Variants in TCL1A observed in about 807,000 individuals in gnomAD.
TCL1A encodes T-cell leukemia/lymphoma protein 1A.
A neutral mutation model predicts 16.9 loss-of-function variants in TCL1A; 9 were observed. The observed-to-expected ratio is 0.53, with a 90% CI of 0.32 to 0.93. TCL1A has a LOEUF of 0.93. Among genes scored for constraint, TCL1A ranks in the 40% least tolerant of loss-of-function variants. TCL1A has a pLI of 0.04. For synonymous variants in TCL1A, 69 were observed against 63.2 expected (o/e 1.09, Z -0.44); for missense variants, 139 against 153.0 (o/e 0.91, Z 0.48).
intron 1 of TCL1A, 40 bp from the exon 2 acceptor site, chr14:95,712,436 G>A (rs750215320): frequency 2.7e-5 from 42 of 1,553,100 alleles, no homozygotes; most frequent in Admixed American, 3.7e-5. Flanking sequence ...TTCAGGTTCC[G>A]CTTGCCAGGG....
At chr14:95,712,167 G>C (rs1886372897) in intron 2 of TCL1A, 53 bp downstream of exon 2, 7 of 1,605,788 alleles carry the variant, frequency 4.4e-6, no homozygotes, top group Non-Finnish European at 6.0e-6. Flanking sequence ...GCCAGACATG[G>C]AGGAGGGCAA....
intron 2 of TCL1A, 78 bp downstream of exon 2, chr14:95,712,142 A>G: frequency 2.0e-6 from 3 of 1,533,764 alleles, no homozygotes; most frequent in Non-Finnish European, 2.7e-6. Context: ...GATGGAGGGA[A>G]GATAAACCAC....
chr14:95,713,510 T>G (rs1886439950), intron 1 of TCL1A, among the ~76,000 whole-genome samples: 1 of 152,330 alleles, frequency 6.6e-6, no homozygotes, highest in Non-Finnish European at 1.5e-5. Context: ...GGAAAATACT[T>G]CACACTCTAG....
rs1464141699 is a variant in TCL1A at position 95,714,111 on chromosome 14, G to C, written c.-45C>G. 2.5e-6 allele frequency: 4 copies of C among 1,606,698 alleles called. No homozygotes were observed. The highest frequency in any genetic ancestry group is 1.1e-5 in the South Asian group (1 of 90,830). Reference sequence around the variant, plus strand: ...AGAAGCAAGAGCCAGAGCCTCTCAAGGCCGCTCGCTGGTCCCTGGGATGTG... The same window carrying C: ...AGAAGCAAGAGCCAGAGCCTCTCAACGCCGCTCGCTGGTCCCTGGGATGTG... On this transcript the variant is annotated 5_prime_UTR_variant, in exon 1 of 4. Coordinates refer to ENST00000402399, the MANE Select transcript of TCL1A (RefSeq NM_021966.3).
Position 95,710,890 on chromosome 14 carries a change from G to A in TCL1A, c.*7-9C>T. On this transcript the variant is annotated splice_polypyrimidine_tract_variant and intron_variant, in intron 3 of 3. Transcript: ENST00000402399. ...ACAGGTGCTGCCAAGACCTGGAGAA[G>A]GACAAAAGAAGACAGAATCAAGGGT... 1 of 153,214 alleles carries A rather than the reference G, an allele frequency of 6.5e-6. No homozygotes were observed. Among genetic ancestry groups the A allele is most frequent in the Non-Finnish European group, 1.5e-5 (1 of 68,690 alleles). 9.5% of individuals were successfully genotyped at this position (153,214 alleles called of 1,614,324 possible).
chr14:95,713,337 T>C (rs559986769), intron 1 of TCL1A, among the ~76,000 whole-genome samples: 2 of 152,234 alleles, frequency 1.3e-5, no homozygotes, highest in Admixed American at 6.5e-5. Context: ...TAAATCCAAA[T>C]ACTTGTAAAA....
At position 95,714,103 on chromosome 14, in the gene TCL1A, C is replaced by G. The variant is rs765560693; in HGVS notation, c.-37G>C. ...GCCGCCTAAGAAGCAAGAGCCAGAG[C>G]CTCTCAAGGCCGCTCGCTGGTCCCT... On this transcript the variant is annotated 5_prime_UTR_variant, in exon 1 of 4. Coordinates refer to ENST00000402399, the MANE Select transcript of TCL1A (RefSeq NM_021966.3). 5.0e-6 allele frequency: 8 copies of G among 1,607,936 alleles called. No homozygotes were observed. Among genetic ancestry groups the G allele is most frequent in the Non-Finnish European group, 6.8e-6 (8 of 1,178,012 alleles).
Position 95,712,375 on chromosome 14 carries a change from G to A in TCL1A, c.142C>T (p.Arg48Trp), listed in dbSNP as rs747190817. ...TIEIKDRLQLRVLLRREDVVL... is the reference protein window; with the variant it reads ...TIEIKDRLQLWVLLRREDVVL... ...ACGTCTTCCCGACGCAAGAGCACCCGTAACTGTAACCTATCCTTTATCTGA... is the reference window on the plus strand; with the variant it reads ...ACGTCTTCCCGACGCAAGAGCACCCATAACTGTAACCTATCCTTTATCTGA... The change falls in exon 2 of 4, where the codon CGG (arginine) becomes TGG (tryptophan). Residue 48 changes from arginine (R) to tryptophan (W), a missense_variant. Coordinates refer to ENST00000402399, the MANE Select transcript of TCL1A (RefSeq NM_021966.3). The A allele has an allele frequency of 2.5e-6, 4 of 1,612,328 alleles. No individual in the cohort carries two copies. The highest frequency in any genetic ancestry group is 2.2e-5 in the East Asian group (1 of 44,792).
At chr14:95,711,076 T>G (rs1272540694) in intron 3 of TCL1A, among the ~76,000 whole-genome samples, 195 bp from the exon 4 acceptor site, 1 of 152,216 alleles carries the variant, frequency 6.6e-6, no homozygotes, top group Non-Finnish European at 1.5e-5. Context: ...AACTCATTTC[T>G]GAGTTTTGTA....
chr14:95,712,115 A>T, intron 2 of TCL1A, 105 bp downstream of exon 2: 2 of 1,377,134 alleles, frequency 1.5e-6, no homozygotes, highest in Admixed American at 3.6e-5. Flanking sequence ...CCCATTTTTT[A>T]ATGCTTTTGG....
Position 95,711,811 on chromosome 14 carries a change from CAGAG to C in TCL1A, c.298-13_298-10del, listed in dbSNP as rs142205645. On this transcript the variant is annotated splice_polypyrimidine_tract_variant and intron_variant, in intron 2 of 3. Coordinates refer to ENST00000402399, the MANE Select transcript of TCL1A (RefSeq NM_021966.3). ...TCCTCCACGCCGTCAATCTGAGAGG[CAGAG>C]AGAGAGAGAAGGCATTGATCGGCCA... 16 of 1,539,686 alleles carry C rather than the reference CAGAG, an allele frequency of 1.0e-5. No homozygotes were observed. The highest frequency in any genetic ancestry group is 9.3e-5 in the South Asian group (8 of 85,984).
In TCL1A at chr14:95,714,098, C is replaced by T; in HGVS notation, c.-32G>A. 6.2e-7 allele frequency: 1 copy of T among 1,611,046 alleles called. No individual in the cohort carries two copies. Among genetic ancestry groups the T allele is most frequent in the Non-Finnish European group, 8.5e-7 (1 of 1,179,632 alleles). On this transcript the variant is annotated 5_prime_UTR_variant, in exon 1 of 4. Coordinates refer to ENST00000402399, the MANE Select transcript of TCL1A (RefSeq NM_021966.3). The stretch of plus-strand genomic sequence containing the variant: ...CTCGGGCCGCCTAAGAAGCAAGAGC[C>T]AGAGCCTCTCAAGGCCGCTCGCTGG...
intron 1 of TCL1A, among the ~76,000 whole-genome samples, chr14:95,713,456 C>T (rs1886436243): frequency 6.6e-6 from 1 of 152,194 alleles, no homozygotes; most frequent in Admixed American, 6.5e-5. Flanking sequence ...TATACTACGA[C>T]ATCACTTGTT....
At chr14:95,711,965 C>A in intron 2 of TCL1A, 163 bp from the exon 3 acceptor site, 1 of 951,236 alleles carries the variant, frequency 1.1e-6, no homozygotes, top group African/African-American at 1.6e-5. Flanking sequence ...CAGCCTTCAG[C>A]CTGTGACTGC....
At position 95,714,071 on chromosome 14, in the gene TCL1A, T is replaced by A. The variant is rs765540578; in HGVS notation, c.-5A>T. 8 of 1,613,272 alleles carry A rather than the reference T, an allele frequency of 5.0e-6. No individual in the cohort carries two copies. Among genetic ancestry groups the A allele is most frequent in the Non-Finnish European group, 5.9e-6 (7 of 1,179,942 alleles). On this transcript the variant is annotated 5_prime_UTR_variant, in exon 1 of 4. Coordinates refer to ENST00000402399, the MANE Select transcript of TCL1A (RefSeq NM_021966.3). ...GAGTGTCGGGCACTCGGCCATGGCG[T>A]CCTCGGGCCGCCTAAGAAGCAAGAG... is the stretch of plus-strand genomic sequence containing the variant.
chr14:95,713,071 T>C (rs1362848732), intron 1 of TCL1A, among the ~76,000 whole-genome samples: 1 of 152,312 alleles, frequency 6.6e-6, no homozygotes, highest in East Asian at 1.9e-4. Context: ...ATTTAAAAAA[T>C]TGAAATGCCA....
chr14:95,713,571 A>G (rs530829822), intron 1 of TCL1A, among the ~76,000 whole-genome samples: 4 of 152,256 alleles, frequency 2.6e-5, no homozygotes, highest in Admixed American at 6.5e-5. Flanking sequence ...GGTTCTTTTT[A>G]AAAATACAGA....
chr14:95,713,468 A>G (rs1886437080), intron 1 of TCL1A, among the ~76,000 whole-genome samples: 1 of 152,308 alleles, frequency 6.6e-6, no homozygotes, highest in East Asian at 1.9e-4. Context: ...TCACTTGTTA[A>G]ATTTGTTTTC....
intron 1 of TCL1A, chr14:95,712,750 T>C (rs1416832056): frequency 9.3e-6 from 11 of 1,188,076 alleles, no homozygotes; most frequent in Non-Finnish European, 1.2e-5. Context: ...AAGACCAGCC[T>C]GGGTCACAGA....
Sources: gnomAD v4.1 joint callset for allele counts (sites outside exome capture counted in the v4.1 genomes callset) on GRCh38, gnomAD v4.1.1 for gene constraint, MANE v1.5 for transcripts, NCBI Gene and HGNC (gene_info 2026-07-23, HGNC 2026-07-21) for gene names.